SLC9A3: variants seen among roughly 807,000 people sequenced by gnomAD.
The protein encoded by SLC9A3 is sodium/hydrogen exchanger 3.
Under a neutral mutation model 86.8 loss-of-function variants are expected in SLC9A3, and 37 were observed. That is an observed-to-expected ratio of 0.43 (90% CI 0.33 to 0.56). SLC9A3 has a LOEUF of 0.56. SLC9A3 is among the 20% of genes least tolerant of loss of function. The pLI, the probability that SLC9A3 is intolerant of heterozygous loss-of-function variation, is 0.06. For synonymous variants in SLC9A3, 581 were observed against 528.3 expected (o/e 1.10, Z -1.37); for missense variants, 1,011 against 1,171.9 (o/e 0.86, Z 2.00).
intron 1 of SLC9A3, among the ~76,000 whole-genome samples, chr5:492,336 G>T: frequency 9.1e-6 from 1 of 109,538 alleles, no homozygotes. Flanking sequence ...GGAGAGGGCA[G>T]GTAGGTGGGG....
intron 1 of SLC9A3, among the ~76,000 whole-genome samples, chr5:503,883 G>A (rs547284701): frequency 1.3e-5 from 2 of 152,322 alleles, no homozygotes; most frequent in Admixed American, 6.5e-5. Context: ...TCGTCTGCGC[G>A]AGGCTGGGGC....
intron 1 of SLC9A3, among the ~76,000 whole-genome samples, chr5:510,719 G>T (rs553347110): frequency 2.0e-5 from 3 of 152,316 alleles, no homozygotes; most frequent in Non-Finnish European, 2.9e-5. Context: ...CCTGTGAGTC[G>T]ATGGGGTCAG....
chr5:508,302 G>A (rs1433809527), intron 1 of SLC9A3, among the ~76,000 whole-genome samples: 1 of 151,302 alleles, frequency 6.6e-6, no homozygotes, highest in Non-Finnish European at 1.5e-5. Context: ...ATGCCGCAGG[G>A]AGACGCAGCC....
At chr5:481,404 G>A (rs1560953349) in intron 9 of SLC9A3, among the ~76,000 whole-genome samples, 161 bp downstream of exon 9, 1 of 152,206 alleles carries the variant, frequency 6.6e-6, no homozygotes, top group Non-Finnish European at 1.5e-5. Context: ...GCACCTGCGT[G>A]TCTCGGGGCA....
chr5:520,839 T>A (rs1429481833), intron 1 of SLC9A3, among the ~76,000 whole-genome samples: 2 of 150,276 alleles, frequency 1.3e-5, no homozygotes, highest in South Asian at 2.2e-4. Flanking sequence ...CTGCCAGGCC[T>A]GGCAGTCTCT....
chr5:504,574 C>T (rs970362861), intron 1 of SLC9A3, among the ~76,000 whole-genome samples: 5 of 152,204 alleles, frequency 3.3e-5, no homozygotes, highest in Non-Finnish European at 1.5e-5. Context: ...CCCGGGCTCA[C>T]GGCCCCGCTG....
At chr5:487,003 G>A (rs1193005353) in intron 3 of SLC9A3, among the ~76,000 whole-genome samples, 1 of 31,674 alleles carries the variant, frequency 3.2e-5, no homozygotes, top group African/African-American at 9.1e-5. Flanking sequence ...CACTGACACC[G>A]TGATCCAGAC....
intron 1 of SLC9A3, among the ~76,000 whole-genome samples, chr5:514,325 G>T (rs910557238): frequency 3.9e-5 from 6 of 152,196 alleles, no homozygotes; most frequent in Non-Finnish European, 5.9e-5. Context: ...CGCCAGGGCT[G>T]TCCCTCCAGG....
chr5:477,331 C>G lies in SLC9A3; in HGVS notation c.1760+1G>C. ...GAAGCTGCATGACCATGGCCACATA[C>G]AGGAGGTAGGAGACAGAGGCCTCCA... On this transcript the variant is annotated splice_donor_variant, in intron 11 of 16. Transcript: ENST00000264938. LOFTEE classifies it high-confidence loss of function. 1 of 1,592,400 alleles carries G rather than the reference C, an allele frequency of 6.3e-7. No homozygotes were observed. Among genetic ancestry groups the G allele is most frequent in the Non-Finnish European group, 8.6e-7 (1 of 1,164,620 alleles).
At position 497,136 on chromosome 5, in the gene SLC9A3, G is replaced by A. The variant is rs750071089; in HGVS notation, c.212-5065C>T. Among the ~76,000 whole-genome samples the A allele has an allele frequency of 3.0e-4, 46 of 152,282 alleles. No homozygotes were observed. Among genetic ancestry groups the A allele is most frequent in the Non-Finnish European group, 5.9e-4 (40 of 68,008 alleles). On this transcript the variant is annotated intron_variant, in intron 1 of 16. Coordinates refer to ENST00000264938, the MANE Select transcript of SLC9A3 (RefSeq NM_004174.4). This position sits in a 1 kb window ranked among gnomAD's most constrained non-coding sequence, Gnocchi z 5.4. ...CTCAGAAGGCCCTGCTAGCCTCAGA[G>A]AGACAGTCTTTCCACACAGATGTCT...
At chr5:476,121 C>T (rs1487949498) in intron 13 of SLC9A3, 29 bp from the exon 14 acceptor site, 1 of 1,612,282 alleles carries the variant, frequency 6.2e-7, no homozygotes, top group Non-Finnish European at 8.5e-7. Context: ...GCTGCTCACA[C>T]CCCGACACAG....
Position 500,161 on chromosome 5 carries a change from G to T in SLC9A3, c.212-8090C>A, listed in dbSNP as rs565511619. Among the ~76,000 whole-genome samples, 110 of 152,400 alleles carry T rather than the reference G, an allele frequency of 7.2e-4. 1 individual carries two copies. Among genetic ancestry groups the T allele is most frequent in the Non-Finnish European group, 1.3e-3 (89 of 68,038 alleles). Reference sequence around the variant, plus strand: ...GTCTGAGGCCTTAAGGAAATGAAGAGAATAGAACTCGCCCCATGGCACACA... The same window carrying T: ...GTCTGAGGCCTTAAGGAAATGAAGATAATAGAACTCGCCCCATGGCACACA... On this transcript the variant is annotated intron_variant, in intron 1 of 16. Coordinates refer to ENST00000264938, the MANE Select transcript of SLC9A3 (RefSeq NM_004174.4).
At chr5:502,153 G>A (rs1420978093) in intron 1 of SLC9A3, among the ~76,000 whole-genome samples, 3 of 152,218 alleles carry the variant, frequency 2.0e-5, no homozygotes, top group Non-Finnish European at 4.4e-5. Context: ...GAGATCCTTC[G>A]ACTCCAAACC....
chr5:481,623 T>A lies in SLC9A3; in HGVS notation c.1459A>T (p.Ile487Phe). The A allele has an allele frequency of 3.1e-6, 5 of 1,613,962 alleles. No individual in the cohort carries two copies. The highest frequency in any genetic ancestry group is 4.2e-6 in the Non-Finnish European group (5 of 1,179,890). ...GATATGTCCTCGATGGCCGAGAGGA[T>A]GTGGTCGAAAGCCTTTCAAGGGAAG... is the stretch of plus-strand genomic sequence containing the variant. ...EKLHGRAFDHILSAIEDISGQ... is the reference protein window; with the variant it reads ...EKLHGRAFDHFLSAIEDISGQ... The change falls in exon 9 of 17, where the codon ATC becomes TTC. Residue 487 changes from isoleucine (I) to phenylalanine (F), a missense_variant. Physicochemically the swap from Ile to Phe is conservative, Grantham distance 21 (BLOSUM62 0). Transcript: ENST00000264938.
intron 10 of SLC9A3, chr5:479,002 A>G (rs1738967903): frequency 1.3e-5 from 2 of 154,048 alleles, no homozygotes; most frequent in South Asian, 4.1e-4. Flanking sequence ...GTCTGAATGA[A>G]TGGAGTTTCC....
At position 473,371 on chromosome 5, in the gene SLC9A3, A is replaced by T; in HGVS notation, c.*8T>A. 7.1e-7 allele frequency: 1 copy of T among 1,417,258 alleles called. No homozygotes were observed. Among genetic ancestry groups the T allele is most frequent in the Non-Finnish European group, 9.3e-7 (1 of 1,078,718 alleles). 87.8% of individuals were successfully genotyped at this position (1,417,258 alleles called of 1,614,324 possible). A position where few individuals can be genotyped will look rare whatever the true frequency, so the allele number is the denominator to read the frequency against. Reference sequence around the variant, plus strand: ...GAGCGGCCGGTTAGCGGCGTGTCGGAGCCGGTGTCACCTGCGGGAGAGGAA... The same window carrying T: ...GAGCGGCCGGTTAGCGGCGTGTCGGTGCCGGTGTCACCTGCGGGAGAGGAA... On this transcript the variant is annotated 3_prime_UTR_variant, in exon 17 of 17. Transcript: ENST00000264938.
At chr5:490,234 C>T (rs1444157678) in intron 2 of SLC9A3, among the ~76,000 whole-genome samples, 1 of 152,262 alleles carries the variant, frequency 6.6e-6, no homozygotes, top group Admixed American at 6.5e-5. Context: ...AGCGGCCTGC[C>T]CCAGGGGGCA....
rs10462621 is a variant in SLC9A3, at chr5:484,063, G to A, written c.932+457C>T. On this transcript the variant is annotated intron_variant, in intron 5 of 16. Transcript: ENST00000264938. The stretch of plus-strand genomic sequence containing the variant: ...GTCCATGCGGCTGGCACCTCCCTCC[G>A]AGTTGGGGTCCCCCTGGCTGGCTCA... Among the ~76,000 whole-genome samples, 1,343 of 152,252 alleles carry A rather than the reference G, an allele frequency of 8.8e-3. 19 individuals are homozygous for A. Among genetic ancestry groups the A allele is most frequent in the East Asian group, 0.06 (305 of 5,116 alleles).
At chr5:474,693 A>AGGCCCGG (rs1560947101) in intron 16 of SLC9A3, among the ~76,000 whole-genome samples, 190 bp downstream of exon 16, 152 of 11,068 alleles carry the variant, frequency 0.014, 11 homozygotes, top group African/African-American at 0.037. Flanking sequence ...TTAGGCGGGG[A>AGGCCCGG]GAGAGAGAGC....
Sources: gnomAD v4.1 joint callset for allele counts (sites outside exome capture counted in the v4.1 genomes callset) on GRCh38, gnomAD v4.1.1 for gene constraint, Gnocchi (gnomAD v3.1) non-coding constraint, MANE v1.5 for transcripts, NCBI Gene and HGNC (gene_info 2026-07-23, HGNC 2026-07-21) for gene names.